Variants in METTL6 observed in about 807,000 individuals in gnomAD.
The protein encoded by METTL6 is methyltransferase 6, tRNA N3-cytidine.
In METTL6, 22 loss-of-function variants were observed where a neutral mutation model predicts 26.4. The ratio of observed to expected loss-of-function variants is 0.83; its 90% CI spans 0.59 to 1.19. The LOEUF (loss-of-function observed/expected upper bound fraction) is 1.19. METTL6 is among the 50% of genes most tolerant of loss of function. The pLI, the probability that METTL6 is intolerant of heterozygous loss-of-function variation, is 0.00. For missense variants in METTL6, 304 were observed against 324.8 expected, an observed-to-expected ratio of 0.94 and a Z score of 0.49; for synonymous variants, 109 against 116.2, an observed-to-expected ratio of 0.94 and a Z score of 0.40.
chr3:15,400,631 TAAGAAGTTCATA>T (rs1222802158), intron 6 of METTL6, among the ~76,000 whole-genome samples: 1 of 152,204 alleles, frequency 6.6e-6, no homozygotes, highest in Admixed American at 6.5e-5. Context: ...TTAGTACACT[TAAGAAGTTCATA>T]AAGAAGTTCT....
chr3:15,388,961 G>A (rs540266530), intron 6 of METTL6, among the ~76,000 whole-genome samples: 1 of 152,170 alleles, frequency 6.6e-6, no homozygotes, highest in East Asian at 1.9e-4. Context: ...TGCAGTGGTG[G>A]TTTCACTCCT....
downstream of METTL6, among the ~76,000 whole-genome samples, chr3:15,405,061 T>TGCTGCAGACCCTTCTCTGC (rs1699748808): frequency 6.6e-6 from 1 of 152,252 alleles, no homozygotes; most frequent in African/African-American, 2.4e-5. Context: ...CAATTATCTG[T>TGCTGCAGACCCTTCTCTGC]GCTGCAGACC....
chr3:15,396,018 T>C (rs1328425762), intron 6 of METTL6, among the ~76,000 whole-genome samples: 1 of 152,184 alleles, frequency 6.6e-6, no homozygotes, highest in Admixed American at 6.5e-5. Flanking sequence ...GTTCTCTGTA[T>C]TTCCTGAATT....
chr3:15,400,580 C>G (rs972045563), intron 6 of METTL6, among the ~76,000 whole-genome samples: 3 of 152,124 alleles, frequency 2.0e-5, no homozygotes, highest in Non-Finnish European at 4.4e-5. Context: ...AGGAATCTCA[C>G]AGGTTGAAAT....
intron 4 of METTL6, 176 bp from the exon 5 acceptor site, chr3:15,414,338 C>T (rs1176501649): frequency 7.2e-7 from 1 of 1,398,454 alleles, no homozygotes; most frequent in Non-Finnish European, 9.2e-7. Context: ...AGGCAGGGCT[C>T]CATAACACTA....
intron 6 of METTL6, among the ~76,000 whole-genome samples, chr3:15,401,109 G>A (rs1699628016): frequency 6.6e-6 from 1 of 151,440 alleles, no homozygotes; most frequent in Admixed American, 6.6e-5. Context: ...GCGCAATCTT[G>A]GCTCACTGCA....
intron 3 of METTL6, among the ~76,000 whole-genome samples, chr3:15,417,700 AAGGT>A (rs2061518880): frequency 1.3e-5 from 2 of 152,102 alleles, no homozygotes; most frequent in African/African-American, 4.8e-5. Context: ...ATTAGACAAA[AAGGT>A]AGATAATAAA....
chr3:15,414,583 G>C (rs1466884780), intron 4 of METTL6: 1 of 269,370 alleles, frequency 3.7e-6, no homozygotes, highest in African/African-American at 2.3e-5. Context: ...TCGAACTCCT[G>C]ACCTCAAGTA....
At chr3:15,402,212 G>C (rs938484661) in intron 6 of METTL6, among the ~76,000 whole-genome samples, 1 of 152,178 alleles carries the variant, frequency 6.6e-6, no homozygotes, top group South Asian at 2.1e-4. Flanking sequence ...TTTCATTCAC[G>C]GCTGAATGAG....
chr3:15,415,688 A>G, intron 4 of METTL6, 84 bp downstream of exon 4: 1 of 1,597,488 alleles, frequency 6.3e-7, no homozygotes, highest in Non-Finnish European at 8.6e-7. Flanking sequence ...ATGTGAATCT[A>G]GACAGTACAT....
chr3:15,421,837 G>A (rs551304705), intron 3 of METTL6, among the ~76,000 whole-genome samples: 117 of 152,142 alleles, frequency 7.7e-4, no homozygotes, highest in Non-Finnish European at 9.7e-4. Context: ...GCTTGAACCC[G>A]GGAGGTGGAG....
intron 6 of METTL6, among the ~76,000 whole-genome samples, chr3:15,391,728 T>A (rs1035622561): frequency 7.0e-6 from 1 of 142,184 alleles, no homozygotes; most frequent in African/African-American, 2.6e-5. Flanking sequence ...AATTCCCACC[T>A]ATGAGTGAGA....
At chr3:15,382,918 AT>A (rs1699110794) in exon 7 of METTL6, 1 of 152,204 alleles carries the variant, frequency 6.6e-6, no homozygotes, top group Admixed American at 6.5e-5. Flanking sequence ...TATACGTGGA[AT>A]TTTAAAAAGT....
At position 15,411,203 on chromosome 3, in the gene METTL6, G is replaced by A; in HGVS notation, c.*53C>T. On this transcript the variant is annotated 3_prime_UTR_variant, in exon 6 of 6. Transcript: ENST00000383790. ...AGCCACCGCACCCAGACGAAAGAGT[G>A]ATTTTAAATTTTCCTCTTCAAGGGA... 6.4e-7 allele frequency: 1 copy of A among 1,564,716 alleles called. No homozygotes were observed. The highest frequency in any genetic ancestry group is 1.2e-5 in the South Asian group (1 of 84,394).
rs73142285 is a variant in METTL6, at chr3:15,402,332, G to A, written c.*11+8913C>T. On this transcript the variant is annotated intron_variant, in intron 6 of 6. Transcript: ENST00000443029. ...AGGGAATGGGGAGTGCCCATTAGTT[G>A]GGTCAGAGATGAGATCTTATGGAGT... Among the ~76,000 whole-genome samples the A allele has an allele frequency of 5.5e-3, 844 of 152,260 alleles. 7 individuals carry two copies. Among genetic ancestry groups the A allele is most frequent in the African/African-American group, 0.018 (758 of 41,554 alleles).
At chr3:15,417,166 A>T (rs532952203) in intron 3 of METTL6, among the ~76,000 whole-genome samples, 2 of 150,498 alleles carry the variant, frequency 1.3e-5, no homozygotes, top group South Asian at 4.1e-4. Flanking sequence ...TCTCATCTTT[A>T]AAAAAATAGG....
intron 6 of METTL6, among the ~76,000 whole-genome samples, chr3:15,397,823 T>A (rs960964777): frequency 6.6e-6 from 1 of 152,146 alleles, no homozygotes; most frequent in Non-Finnish European, 1.5e-5. Flanking sequence ...TCATAAGATA[T>A]GCAACTTCCC....
intron 6 of METTL6, among the ~76,000 whole-genome samples, chr3:15,401,044 T>C (rs193076492): frequency 7.3e-5 from 11 of 150,844 alleles, no homozygotes; most frequent in Admixed American, 7.2e-4. Flanking sequence ...TGTATTTTCT[T>C]CTTTTTTTTT....
chr3:15,426,139 T>G lies in METTL6; in HGVS notation c.225+148A>C, dbSNP rs992069576. 2.6e-5 allele frequency: 18 copies of G among 702,454 alleles called. 1 individual carries two copies. Among genetic ancestry groups the G allele is most frequent in the Admixed American group, 2.6e-4 (9 of 35,238 alleles). 43.5% of individuals were successfully genotyped at this position (702,454 alleles called of 1,614,324 possible). ...TATTTTTAGTAAAGACGGGGTTTCA[T>G]CATGTTGGCCAGGATGGTCTCGATC... On this transcript the variant is annotated intron_variant, in intron 2 of 5. Coordinates refer to ENST00000383790, the MANE Select transcript of METTL6 (RefSeq NM_152396.4).
Sources: gnomAD v4.1 joint callset for allele counts (sites outside exome capture counted in the v4.1 genomes callset) on GRCh38, gnomAD v4.1.1 for gene constraint, MANE v1.5 for transcripts, NCBI Gene and HGNC (gene_info 2026-07-23, HGNC 2026-07-21) for gene names.